The following SLC36A2 variants were observed in gnomAD, a reference collection of about 807,000 sequenced individuals.
SLC36A2 encodes solute carrier family 36 member 2, also known as proton-coupled amino acid transporter 2.
SLC36A2 carries 39 observed loss-of-function variants against 42.7 expected under a neutral mutation model. The observed-to-expected ratio is 0.91, with a 90% confidence interval of 0.71 to 1.19. SLC36A2 has a LOEUF of 1.19. SLC36A2 is among the 50% of genes most tolerant of loss of function. The pLI is 0.00. For missense variants in SLC36A2, 590 were observed against 613.7 expected, an observed-to-expected ratio of 0.96 and a Z score of 0.41; for synonymous variants, 237 against 240.8, an observed-to-expected ratio of 0.98 and a Z score of 0.15.
At chr5:151,343,710 C>A in intron 2 of SLC36A2, 112 bp from the exon 3 acceptor site, 1 of 957,386 alleles carries the variant, frequency 1.0e-6, no homozygotes, top group African/African-American at 1.6e-5. Flanking sequence ...AAAGAACTCT[C>A]TAGCAAACTG....
chr5:151,333,532 AAGGAAT>A (rs200485069), intron 6 of SLC36A2, among the ~76,000 whole-genome samples: 2,166 of 152,258 alleles, frequency 0.014, 25 homozygotes, highest in Non-Finnish European at 0.02. Flanking sequence ...CAAAGTACTG[AAGGAAT>A]AGTATTTCAT....
chr5:151,344,324 G>A (rs1037116181), intron 1 of SLC36A2, 57 bp from the exon 2 acceptor site: 18 of 1,441,438 alleles, frequency 1.2e-5, no homozygotes, highest in South Asian at 3.5e-5. Context: ...AAGATCCAGC[G>A]GTGATTCCCT....
intron 4 of SLC36A2, among the ~76,000 whole-genome samples, chr5:151,342,237 T>A (rs1272396963): frequency 1.3e-5 from 2 of 152,186 alleles, no homozygotes; most frequent in African/African-American, 4.8e-5. Context: ...CCTCCCTGAC[T>A]CTCTGCCCTC....
At chr5:151,346,089 C>T (rs1756486212) in intron 1 of SLC36A2, among the ~76,000 whole-genome samples, 1 of 152,194 alleles carries the variant, frequency 6.6e-6, no homozygotes, top group Non-Finnish European at 1.5e-5. Context: ...CCCTTTAGCT[C>T]TCACTTGCTT....
Position 151,335,367 on chromosome 5 carries a change from G to T in SLC36A2, c.706C>A (p.Leu236Met). ...TGTATGATGATGACCAAGCTGACCA[G>T]CATGCTGATGTTGGCCAGCATGGAG... The part of the protein sequence containing the change: ...IFSMLANISM[L>M]VSLVIIIQYI... Residue 236 changes from leucine to methionine, a missense_variant, in exon 6 of 10, where the codon CTG (leucine) becomes ATG (methionine). Physicochemically the swap from Leu to Met is conservative, Grantham distance 15. Transcript: ENST00000335244. 6.2e-7 allele frequency: 1 copy of T among 1,613,906 alleles called. No homozygotes were observed.
chr5:151,344,476 A>G (rs1475677444), intron 1 of SLC36A2, among the ~76,000 whole-genome samples: 1 of 152,184 alleles, frequency 6.6e-6, no homozygotes, highest in Admixed American at 6.5e-5. Context: ...GCTAACACTC[A>G]ATATATGCTG....
At chr5:151,323,018 C>T (rs1450622907) in intron 8 of SLC36A2, among the ~76,000 whole-genome samples, 2 of 152,154 alleles carry the variant, frequency 1.3e-5, no homozygotes, top group Admixed American at 1.3e-4. Flanking sequence ...GGTGGATCAC[C>T]TGAGGTCACG....
chr5:151,340,590 G>A (rs1173423460), intron 4 of SLC36A2, among the ~76,000 whole-genome samples: 1 of 152,188 alleles, frequency 6.6e-6, no homozygotes, highest in African/African-American at 2.4e-5. Flanking sequence ...TGGCTAGAAA[G>A]GTAGGAGGGA....
At position 151,330,312 on chromosome 5, in the gene SLC36A2, A is replaced by G. The variant is rs1027781167; in HGVS notation, c.843+2912T>C. On this transcript the variant is annotated intron_variant, in intron 7 of 9. Coordinates refer to ENST00000335244, the MANE Select transcript of SLC36A2 (RefSeq NM_181776.3). ...ATTTTAAAAAGTTATGAAAGCAACCAGAGAAAAACACATAGGAGAACAAGG... is the reference window on the plus strand; with the variant it reads ...ATTTTAAAAAGTTATGAAAGCAACCGGAGAAAAACACATAGGAGAACAAGG... 3.9e-5 allele frequency among the ~76,000 whole-genome samples: 6 copies of G among 152,376 alleles called. No homozygotes were observed. The East Asian group carries it at 1.2e-3, about 29-fold the overall frequency.
chr5:151,319,258 A>T lies in SLC36A2; in HGVS notation c.1181-2170T>A, dbSNP rs749759083. Reference sequence around the variant, plus strand: ...TGTAGTGTAGGCTTAAGGGATTGTTATCTTTATACTGTGGGGCAAATTCCT... The same window carrying T: ...TGTAGTGTAGGCTTAAGGGATTGTTTTCTTTATACTGTGGGGCAAATTCCT... On this transcript the variant is annotated intron_variant, in intron 9 of 9. Transcript: ENST00000335244. The T allele has an allele frequency of 2.3e-4, 79 of 344,500 alleles. 1 individual carries two copies. The highest frequency in any genetic ancestry group is 3.1e-4 in the Non-Finnish European group (77 of 244,614). The allele number at this position is 344,500 out of a possible 1,614,324, so 21.3% of individuals were successfully genotyped here. A position where few individuals can be genotyped will look rare whatever the true frequency, so the allele number is the denominator to read the frequency against.
intron 3 of SLC36A2, 46 bp downstream of exon 3, chr5:151,343,464 G>C: frequency 1.3e-6 from 2 of 1,569,120 alleles, no homozygotes; most frequent in Non-Finnish European, 1.8e-6. Flanking sequence ...CTATCCCTGA[G>C]AACCATGCAC....
intron 3 of SLC36A2, among the ~76,000 whole-genome samples, chr5:151,343,254 G>A (rs150917984): frequency 1.1e-4 from 17 of 152,236 alleles, no homozygotes; most frequent in East Asian, 9.7e-4. Context: ...TTGGATTCTC[G>A]TGACCATTCT....
rs1037591346 is a variant in SLC36A2, at chr5:151,315,654, A to T, written c.*1163T>A. On this transcript the variant is annotated 3_prime_UTR_variant, in exon 10 of 10. Coordinates refer to ENST00000335244, the MANE Select transcript of SLC36A2 (RefSeq NM_181776.3). ...AAAAACAAAACACAAAACAAAACCG[A>T]CAAACAAGCAAAAAAATTTAAGGGA... 2.0e-5 allele frequency: 3 copies of T among 152,136 alleles called. No individual in the cohort carries two copies. The highest frequency in any genetic ancestry group is 7.2e-5 in the African/African-American group (3 of 41,434). The allele number at this position is 152,136 out of a possible 1,614,324, so 9.4% of individuals were successfully genotyped here. A position where few individuals can be genotyped will look rare whatever the true frequency, so the allele number is the denominator to read the frequency against.
intron 6 of SLC36A2, among the ~76,000 whole-genome samples, chr5:151,334,655 C>T (rs1026584596): frequency 6.6e-6 from 1 of 152,102 alleles, no homozygotes; most frequent in African/African-American, 2.4e-5. Flanking sequence ...TGTACCGCTG[C>T]ACTCCAGCCT....
chr5:151,346,752 C>G (rs966336127), intron 1 of SLC36A2, among the ~76,000 whole-genome samples: 2 of 152,144 alleles, frequency 1.3e-5, no homozygotes, highest in African/African-American at 4.8e-5. Context: ...CCCCACTCCC[C>G]ACTCCCTGGA....
At chr5:151,325,994 G>A (rs1361657514) in intron 7 of SLC36A2, among the ~76,000 whole-genome samples, 1 of 152,070 alleles carries the variant, frequency 6.6e-6, no homozygotes, top group Non-Finnish European at 1.5e-5. Context: ...ACTTGAAAGT[G>A]GTTAAGATGA....
At chr5:151,329,765 A>AT (rs1220932101) in intron 7 of SLC36A2, among the ~76,000 whole-genome samples, 4 of 152,190 alleles carry the variant, frequency 2.6e-5, no homozygotes, top group African/African-American at 9.7e-5. Context: ...GAGCAAAGAG[A>AT]TTTTTTTAAA....
intron 6 of SLC36A2, 120 bp downstream of exon 6, chr5:151,335,209 C>G: frequency 1.4e-6 from 1 of 714,160 alleles, no homozygotes; most frequent in Non-Finnish European, 2.5e-6. Context: ...CAGTGAGATG[C>G]ATGTCTCTCA....
chr5:151,325,775 T>A (rs943850173), intron 7 of SLC36A2, among the ~76,000 whole-genome samples: 1 of 152,112 alleles, frequency 6.6e-6, no homozygotes, highest in Admixed American at 6.6e-5. Flanking sequence ...AATAAGCCAG[T>A]CACAAAAAGA....
Sources: gnomAD v4.1 joint callset for allele counts (sites outside exome capture counted in the v4.1 genomes callset) on GRCh38, gnomAD v4.1.1 for gene constraint, MANE v1.5 for transcripts, NCBI Gene and HGNC (gene_info 2026-07-23, HGNC 2026-07-21) for gene names.